Variants in SERINC5 observed in about 807,000 individuals in gnomAD.
The protein encoded by SERINC5 is serine incorporator 5.
SERINC5 carries 41 observed loss-of-function variants against 63.1 expected under a neutral mutation model. The observed-to-expected ratio is 0.65, with a 90% CI of 0.51 to 0.84. The LOEUF is 0.84. SERINC5 is among the 40% of genes least tolerant of loss of function. The probability of loss-of-function intolerance (pLI) is 0.00; values close to 1 mark genes in which losing one functional copy is unlikely to be tolerated. For synonymous variants in SERINC5, 222 were observed against 215.2 expected (o/e 1.03, Z -0.28); for missense variants, 523 against 573.0 (o/e 0.91, Z 0.89).
At chr5:80,202,108 G>C (rs2112488458) in intron 2 of SERINC5, among the ~76,000 whole-genome samples, 1 of 152,052 alleles carries the variant, frequency 6.6e-6, no homozygotes, top group East Asian at 1.9e-4. Flanking sequence ...CGTGGTGGGG[G>C]GCACCTGTAA....
At chr5:80,148,664 T>A (rs1241533944) in intron 9 of SERINC5, among the ~76,000 whole-genome samples, 1 of 147,836 alleles carries the variant, frequency 6.8e-6, no homozygotes, top group Non-Finnish European at 1.5e-5. Flanking sequence ...TGAGGCCCTG[T>A]CTCAAAAAAA....
At chr5:80,143,912 T>A in intron 11 of SERINC5, 102 bp from the exon 12 acceptor site, 1 of 1,329,500 alleles carries the variant, frequency 7.5e-7, no homozygotes, top group Non-Finnish European at 1.0e-6. Context: ...CGGCTTTCAA[T>A]GTATTCATAC....
Position 80,191,275 on chromosome 5 carries a change from T to C in SERINC5, c.195+11611A>G, listed in dbSNP as rs145907492. The stretch of plus-strand genomic sequence containing the variant: ...GGAACAGTCGTTCTACTTCACATTC[T>C]AGAATCACAAATAAAATCCAATTCA... On this transcript the variant is annotated intron_variant, in intron 2 of 11. Transcript: ENST00000507668. Among the ~76,000 whole-genome samples the C allele has an allele frequency of 8.3e-3, 1,262 of 152,154 alleles. 10 individuals carry two copies. The highest frequency in any genetic ancestry group is 0.021 in the Middle Eastern group (6 of 292).
In SERINC5 at chr5:80,177,972, A is replaced by C. The variant is rs754350108; in HGVS notation, c.288T>G (p.Phe96Leu). 6.2e-7 allele frequency: 1 copy of C among 1,612,772 alleles called. No individual in the cohort carries two copies. The change falls in exon 3 of 12, where the codon TTT (phenylalanine) becomes TTG (leucine). Residue 96 changes from phenylalanine to leucine, a missense_variant. By Grantham distance (22) the Phe-to-Leu change is conservative (BLOSUM62 0). Coordinates refer to ENST00000507668, the MANE Select transcript of SERINC5 (RefSeq NM_001174072.3). ...VGYSAVYRVC[F>L]GMACFFFIFC... ...AGATAAAGAAGAAACAAGCCATTCC[A>C]AAACAGACTCTATACACGGCAGAAT...
rs1339289908 is a variant in SERINC5, at chr5:80,140,298, C to G, written c.*3365G>C. The G allele has an allele frequency of 1.0e-4, 95 of 909,516 alleles. No homozygotes were observed. The highest frequency in any genetic ancestry group is 1.2e-4 in the Non-Finnish European group (94 of 795,506). The allele number at this position is 909,516 out of a possible 1,614,324, so 56.3% of individuals were successfully genotyped here. A position where few individuals can be genotyped will look rare whatever the true frequency, so the allele number is the denominator to read the frequency against. ...CTCCAGCGTGGCTGACAGAGTGAGC[C>G]CGTCTCCAAAAAAAAAAAAAAAAAA... On this transcript the variant is annotated 3_prime_UTR_variant, in exon 12 of 12. Coordinates refer to ENST00000507668, the MANE Select transcript of SERINC5 (RefSeq NM_001174072.3).
At chr5:80,160,442 C>G (rs1231684503) in intron 7 of SERINC5, among the ~76,000 whole-genome samples, 1 of 152,198 alleles carries the variant, frequency 6.6e-6, no homozygotes, top group African/African-American at 2.4e-5. Flanking sequence ...TAAAGTAACA[C>G]TCTAGAAACC....
intron 2 of SERINC5, among the ~76,000 whole-genome samples, chr5:80,200,485 C>T (rs1189566614): frequency 6.8e-6 from 1 of 147,762 alleles, no homozygotes. Flanking sequence ...GACTCCATCT[C>T]AAAAAAACAA....
chr5:80,242,085 C>T (rs987095783), intron 1 of SERINC5, among the ~76,000 whole-genome samples: 1 of 151,892 alleles, frequency 6.6e-6, no homozygotes, highest in African/African-American at 2.4e-5. Flanking sequence ...GAGCTGTGAA[C>T]GTATCACTGC....
At chr5:80,192,207 GCTAA>G (rs1332183116) in intron 2 of SERINC5, among the ~76,000 whole-genome samples, 3 of 152,184 alleles carry the variant, frequency 2.0e-5, no homozygotes, top group Non-Finnish European at 2.9e-5. Context: ...AGGAGTTGTG[GCTAA>G]CTGTTAACTG....
chr5:80,185,855 C>T (rs1295718916), intron 2 of SERINC5, among the ~76,000 whole-genome samples: 1 of 152,020 alleles, frequency 6.6e-6, no homozygotes, highest in Non-Finnish European at 1.5e-5. Context: ...AGGGCACATT[C>T]ACTTCTTTTG....
At chr5:80,127,339 T>C (rs897907143) in intron 11 of SERINC5, among the ~76,000 whole-genome samples, 2 of 152,364 alleles carry the variant, frequency 1.3e-5, no homozygotes. Flanking sequence ...ATTCATCATA[T>C]GGTTCTACTA....
chr5:80,167,291 T>C lies in SERINC5; in HGVS notation c.764-813A>G, dbSNP rs1258764815. On this transcript the variant is annotated intron_variant, in intron 6 of 11. Transcript: ENST00000507668. The stretch of plus-strand genomic sequence containing the variant: ...TTGTTCCCCTCTATGTGTCCACATG[T>C]TCTCATCATTTAGCTCCCACTTTTA... The C allele has an allele frequency of 2.0e-5, 3 of 152,132 alleles. No individual in the cohort carries two copies. The East Asian group carries it at 5.8e-4, about 29-fold the overall frequency. The allele number at this position is 152,132 out of a possible 1,614,324, so 9.4% of individuals were successfully genotyped here.
chr5:80,226,901 C>T (rs780800547), intron 1 of SERINC5, among the ~76,000 whole-genome samples: 3 of 151,872 alleles, frequency 2.0e-5, no homozygotes, highest in Non-Finnish European at 4.4e-5. Context: ...CATAATATGC[C>T]CTACTTTTTT....
intron 1 of SERINC5, among the ~76,000 whole-genome samples, chr5:80,222,554 G>GTATGTGAGTA (rs1750957481): frequency 1.1e-5 from 1 of 88,196 alleles, no homozygotes; most frequent in Admixed American, 1.5e-4. Context: ...TTGTGGGTGA[G>GTATGTGAGTA]TGTGTGAGTG....
At chr5:80,181,050 G>A (rs1201981880) in intron 2 of SERINC5, among the ~76,000 whole-genome samples, 2 of 152,114 alleles carry the variant, frequency 1.3e-5, no homozygotes, top group African/African-American at 4.8e-5. Flanking sequence ...CTTCTCCAGG[G>A]GTGTGGCTAA....
intron 2 of SERINC5, among the ~76,000 whole-genome samples, chr5:80,201,448 G>A (rs1297348124): frequency 1.3e-5 from 2 of 152,212 alleles, no homozygotes; most frequent in African/African-American, 4.8e-5. Flanking sequence ...GGCACTGATG[G>A]TGCCCTGCTG....
At chr5:80,162,096 CTTACTG>C (rs1746970490) in intron 7 of SERINC5, among the ~76,000 whole-genome samples, 1 of 152,102 alleles carries the variant, frequency 6.6e-6, no homozygotes, top group Non-Finnish European at 1.5e-5. Context: ...TGCTGTTTTG[CTTACTG>C]TAGCTTTGTA....
At chr5:80,216,331 C>G (rs1436277206) in intron 1 of SERINC5, among the ~76,000 whole-genome samples, 1 of 152,162 alleles carries the variant, frequency 6.6e-6, no homozygotes, top group Admixed American at 6.5e-5. Flanking sequence ...AGAAATGTCT[C>G]CAGACAATGG....
downstream of SERINC5, among the ~76,000 whole-genome samples, chr5:80,133,757 C>T (rs928073706): frequency 2.6e-5 from 4 of 152,192 alleles, no homozygotes; most frequent in African/African-American, 7.2e-5. Context: ...GTCATCTGTA[C>T]GGGAGACTGG....
Sources: allele counts gnomAD v4.1 joint callset (sites outside exome capture counted in the v4.1 genomes callset), GRCh38; gene constraint gnomAD v4.1.1; transcripts MANE v1.5; gene names NCBI Gene and HGNC (gene_info 2026-07-23, HGNC 2026-07-21).